The following CCN4 variants were observed in gnomAD, a reference collection of about 807,000 sequenced individuals.
CCN4 encodes cellular communication network factor 4.
In CCN4, 30 loss-of-function variants were observed where a neutral mutation model predicts 36.7. The ratio of observed to expected loss-of-function variants is 0.82; its 90% CI spans 0.61 to 1.11. The LOEUF (loss-of-function observed/expected upper bound fraction) is 1.11, where lower values mean the gene tolerates loss of function less well. Ranked by LOEUF, CCN4 falls within the 50% of genes least tolerant of loss-of-function variation. CCN4 has a pLI of 0.00. For synonymous variants in CCN4, 191 were observed against 195.4 expected (o/e 0.98, Z 0.19); for missense variants, 505 against 504.9 (o/e 1.00, Z 0.00).
chr8:133,197,523 C>T (rs776541097), intron 1 of CCN4, among the ~76,000 whole-genome samples: 2 of 152,022 alleles, frequency 1.3e-5, no homozygotes, highest in African/African-American at 4.8e-5. Context: ...CTCTAGTCTC[C>T]CCCCCAGCTC....
At chr8:133,213,203 A>C in intron 2 of CCN4, 60 bp downstream of exon 2, 1 of 1,537,884 alleles carries the variant, frequency 6.5e-7, no homozygotes, top group Non-Finnish European at 8.8e-7. Flanking sequence ...CTGGCCCCAA[A>C]CCCCTCTCCC....
intron 1 of CCN4, among the ~76,000 whole-genome samples, chr8:133,198,960 G>C (rs1173270495): frequency 6.6e-6 from 1 of 152,250 alleles, no homozygotes; most frequent in Admixed American, 6.5e-5. Context: ...TGCTCACAGT[G>C]TACTTCCTGA....
Position 133,213,033 on chromosome 8 carries a change from C to T in CCN4, c.239C>T (p.Ala80Val). ...GGCTGTGAGTGCTGTAAGATGTGCGCTCAGCAGCTTGGGGACAACTGCACG... is the reference window on the plus strand; with the variant it reads ...GGCTGTGAGTGCTGTAAGATGTGCGTTCAGCAGCTTGGGGACAACTGCACG... ...TDGCECCKMC[A>V]QQLGDNCTEA... is the part of the protein sequence containing the mutation. The change falls in exon 2 of 5, where the codon GCT (alanine) becomes GTT (valine). Residue 80 changes from alanine (A) to valine (V), a missense_variant. By Grantham distance (64) the Ala-to-Val change is moderately conservative. Coordinates refer to ENST00000250160, the MANE Select transcript of CCN4 (RefSeq NM_003882.4). 1 of 1,614,180 alleles carries T rather than the reference C, an allele frequency of 6.2e-7. No individual in the cohort carries two copies. Among genetic ancestry groups the T allele is most frequent in the Non-Finnish European group, 8.5e-7 (1 of 1,180,000 alleles).
chr8:133,222,061 G>A (rs1854554146), intron 3 of CCN4, among the ~76,000 whole-genome samples: 1 of 151,612 alleles, frequency 6.6e-6, no homozygotes, highest in Non-Finnish European at 1.5e-5. Flanking sequence ...ATAAATAAAT[G>A]GATGATTGGA....
chr8:133,194,494 G>A (rs1275143326), intron 1 of CCN4, among the ~76,000 whole-genome samples: 4 of 101,520 alleles, frequency 3.9e-5, no homozygotes, highest in African/African-American at 1.2e-4. Context: ...GGGGGGTGTG[G>A]TGTGTGTGGA....
At chr8:133,211,810 C>T (rs1854048505) in intron 1 of CCN4, among the ~76,000 whole-genome samples, 2 of 152,200 alleles carry the variant, frequency 1.3e-5, no homozygotes, top group Admixed American at 6.5e-5. Flanking sequence ...AGCCTGGCTC[C>T]CGTCCCCGCT....
intron 1 of CCN4, among the ~76,000 whole-genome samples, chr8:133,209,891 G>A (rs117865047): frequency 6.6e-6 from 1 of 152,208 alleles, no homozygotes; most frequent in African/African-American, 2.4e-5. Context: ...GTGTGATTGT[G>A]CCCATATCAC....
At chr8:133,210,386 GGTGTGTGT>G (rs71299053) in intron 1 of CCN4, among the ~76,000 whole-genome samples, 51 of 145,684 alleles carry the variant, frequency 3.5e-4, no homozygotes, top group Admixed American at 1.8e-3. Context: ...CAAAAAGAGG[GGTGTGTGT>G]GTGTGTGTGT....
At chr8:133,218,831 C>T (rs1588201188) in intron 2 of CCN4, among the ~76,000 whole-genome samples, 1 of 152,326 alleles carries the variant, frequency 6.6e-6, no homozygotes, top group East Asian at 1.9e-4. Context: ...CACATGGCCA[C>T]TTGGTTGTCA....
intron 1 of CCN4, among the ~76,000 whole-genome samples, chr8:133,195,629 C>T (rs935711655): frequency 5.3e-5 from 8 of 152,102 alleles, no homozygotes; most frequent in Non-Finnish European, 1.2e-4. Flanking sequence ...ACGAGGACGG[C>T]ACTGAAAGGC....
intron 1 of CCN4, among the ~76,000 whole-genome samples, chr8:133,194,693 GTGGA>G (rs1853284155): frequency 8.4e-6 from 1 of 119,062 alleles, no homozygotes; most frequent in African/African-American, 3.9e-5. Flanking sequence ...TGGTGTGTGT[GTGGA>G]GGGTGTGTGT....
intron 1 of CCN4, among the ~76,000 whole-genome samples, chr8:133,212,334 G>A (rs553290981): frequency 1.3e-5 from 2 of 152,082 alleles, no homozygotes; most frequent in East Asian, 1.9e-4. Flanking sequence ...ATGCTCAGAG[G>A]GGAAAAAAAT....
At chr8:133,202,106 C>T (rs1853608805) in intron 1 of CCN4, among the ~76,000 whole-genome samples, 1 of 152,130 alleles carries the variant, frequency 6.6e-6, no homozygotes, top group African/African-American at 2.4e-5. Flanking sequence ...GCATTCTTTC[C>T]CCTGCTCAGT....
intron 1 of CCN4, among the ~76,000 whole-genome samples, chr8:133,197,001 T>C (rs1339291258): frequency 6.6e-6 from 1 of 152,174 alleles, no homozygotes; most frequent in East Asian, 1.9e-4. Context: ...ACAGATTCCA[T>C]AGCCTGGCCA....
intron 1 of CCN4, among the ~76,000 whole-genome samples, chr8:133,201,051 T>G (rs925768698): frequency 2.6e-5 from 4 of 152,166 alleles, no homozygotes; most frequent in Non-Finnish European, 5.9e-5. Context: ...CCCCTCTTCA[T>G]CTCATCCTCG....
At position 133,228,405 on chromosome 8, in the gene CCN4, A is replaced by C. The variant is rs572418798; in HGVS notation, c.*695A>C. On this transcript the variant is annotated 3_prime_UTR_variant, in exon 5 of 5. Transcript: ENST00000250160. Reference sequence around the variant, plus strand: ...TAAAATTTGATAAACATTCCTGTTGATGGGAAAAGCCCCCAGTTAATACTC... The same window carrying C: ...TAAAATTTGATAAACATTCCTGTTGCTGGGAAAAGCCCCCAGTTAATACTC... 6.6e-6 allele frequency: 1 copy of C among 152,232 alleles called. No individual in the cohort carries two copies. Among genetic ancestry groups the C allele is most frequent in the African/African-American group, 2.4e-5 (1 of 41,452 alleles). 9.4% of individuals were successfully genotyped at this position (152,232 alleles called of 1,614,324 possible). A position where few individuals can be genotyped will look rare whatever the true frequency, so the allele number is the denominator to read the frequency against.
chr8:133,199,804 A>C (rs1853522110), intron 1 of CCN4, among the ~76,000 whole-genome samples: 1 of 152,122 alleles, frequency 6.6e-6, no homozygotes. Context: ...TTTGGCTCTT[A>C]GATGATCAAA....
intron 1 of CCN4, among the ~76,000 whole-genome samples, chr8:133,197,306 G>T (rs1390023696): frequency 6.6e-6 from 1 of 152,108 alleles, no homozygotes; most frequent in East Asian, 1.9e-4. Flanking sequence ...TGGTTCCAGT[G>T]TGGAACAGAG....
At chr8:133,199,895 A>T (rs144741875) in intron 1 of CCN4, among the ~76,000 whole-genome samples, 1 of 152,278 alleles carries the variant, frequency 6.6e-6, no homozygotes, top group Non-Finnish European at 1.5e-5. Context: ...GATGTTCACG[A>T]GAGCCCTATG....
Sources: allele counts gnomAD v4.1 joint callset (sites outside exome capture counted in the v4.1 genomes callset), GRCh38; gene constraint gnomAD v4.1.1; transcripts MANE v1.5; gene names NCBI Gene and HGNC (gene_info 2026-07-23, HGNC 2026-07-21).